The following ELOVL6 variants were observed in gnomAD, a reference collection of about 807,000 sequenced individuals.
ELOVL6 encodes the protein very long chain fatty acid elongase 6.
A neutral mutation model predicts 31.7 loss-of-function variants in ELOVL6; 8 were observed. That is an observed-to-expected ratio of 0.25 (90% CI 0.15 to 0.45). ELOVL6 has a LOEUF of 0.45. Ranked by LOEUF, ELOVL6 falls within the 20% of genes least tolerant of loss-of-function variation. ELOVL6 has a pLI of 1.00. For missense variants in ELOVL6, 126 were observed against 326.4 expected (o/e 0.39, Z 4.73); for synonymous variants, 101 against 117.7 (o/e 0.86, Z 0.92).
chr4:110,135,924 A>G (rs1048880509), intron 1 of ELOVL6, among the ~76,000 whole-genome samples: 5 of 152,212 alleles, frequency 3.3e-5, no homozygotes, highest in African/African-American at 1.2e-4. Context: ...GAACTTCCTC[A>G]GATTCATTGG....
chr4:110,094,419 ATATATATATATATATATATATAT>A (rs1560820563), intron 2 of ELOVL6, among the ~76,000 whole-genome samples: 8 of 54,858 alleles, frequency 1.5e-4, no homozygotes, highest in Admixed American at 1.0e-3. Context: ...ATATATATAT[ATATATATATATATATATATATAT>A]AATATATATA....
Position 110,051,315 on chromosome 4 carries a change from T to C in ELOVL6, c.*23A>G, listed in dbSNP as rs774692811. ...TATTTTTCTTGATGACCCTGAGCTA[T>C]GGCTTCCTCCTCAGTTCCAACACTA... On this transcript the variant is annotated 3_prime_UTR_variant, in exon 4 of 4. Coordinates refer to ENST00000302274, the MANE Select transcript of ELOVL6 (RefSeq NM_024090.3). The surrounding 1 kb of genome is among the most constrained non-coding windows in gnomAD (Gnocchi z 4.8). 1.0e-5 allele frequency: 16 copies of C among 1,607,044 alleles called. No homozygotes were observed. The highest frequency in any genetic ancestry group is 4.4e-5 in the South Asian group (4 of 90,284).
intron 1 of ELOVL6, among the ~76,000 whole-genome samples, chr4:110,176,015 C>T (rs1225707115): frequency 1.2e-4 from 18 of 147,312 alleles, no homozygotes; most frequent in African/African-American, 4.2e-4. Context: ...CTAGAGCTCT[C>T]CTCATTGGCA....
intron 1 of ELOVL6, 53 bp downstream of exon 1, chr4:110,198,194 C>G (rs956686143): frequency 2.0e-5 from 22 of 1,119,728 alleles, no homozygotes; most frequent in Non-Finnish European, 2.9e-5. Flanking sequence ...TAAGGCACTC[C>G]GGGAAGACGC....
At position 110,046,637 on chromosome 4, in the gene ELOVL6, A is replaced by G. The variant is rs1189670529; in HGVS notation, c.*4701T>C. Reference sequence around the variant, plus strand: ...GTGTATGTTCTTCAAAGCTCTGTGCATGTGCCCTGTACCGGCCTCTTTAGC... The same window carrying G: ...GTGTATGTTCTTCAAAGCTCTGTGCGTGTGCCCTGTACCGGCCTCTTTAGC... On this transcript the variant is annotated 3_prime_UTR_variant, in exon 4 of 4. Coordinates refer to ENST00000302274, the MANE Select transcript of ELOVL6 (RefSeq NM_024090.3). 5 of 152,264 alleles carry G rather than the reference A, an allele frequency of 3.3e-5. No individual in the cohort carries two copies. Among genetic ancestry groups the G allele is most frequent in the South Asian group, 2.1e-4 (1 of 4,830 alleles). 9.4% of individuals were successfully genotyped at this position (152,264 alleles called of 1,614,324 possible).
chr4:110,196,169 G>A (rs1040537858), intron 1 of ELOVL6, among the ~76,000 whole-genome samples: 2 of 152,184 alleles, frequency 1.3e-5, no homozygotes, highest in Non-Finnish European at 2.9e-5. Context: ...GGCTAGGAAT[G>A]GCGGGCGTAC....
intron 2 of ELOVL6, among the ~76,000 whole-genome samples, chr4:110,091,237 G>C (rs1461686164): frequency 1.3e-5 from 2 of 152,146 alleles, no homozygotes; most frequent in Non-Finnish European, 2.9e-5. Context: ...ACACCCCAGA[G>C]TGATTCCTTC....
At chr4:110,136,564 T>C (rs1326143087) in intron 1 of ELOVL6, among the ~76,000 whole-genome samples, 1 of 152,200 alleles carries the variant, frequency 6.6e-6, no homozygotes, top group African/African-American at 2.4e-5. Flanking sequence ...CCATTGGCTA[T>C]GAAGATTTTC....
chr4:110,070,608 A>G (rs561094146), intron 2 of ELOVL6, among the ~76,000 whole-genome samples: 1 of 152,286 alleles, frequency 6.6e-6, no homozygotes, highest in Admixed American at 6.5e-5. Context: ...CTCACGTTGA[A>G]CTGTAATCCC....
Position 110,105,586 on chromosome 4 carries a change from T to C in ELOVL6, c.132A>G (p.Ile44Met). 6.2e-7 allele frequency: 1 copy of C among 1,613,748 alleles called. No homozygotes were observed. The highest frequency in any genetic ancestry group is 8.5e-7 in the Non-Finnish European group (1 of 1,179,722). ...FLFSALYAAF[I>M]FGGRHLMNKR... ...TATTCATTAGGTGCCGACCACCGAA[T>C]ATAAAGGCAGCATACAGAGCAGAAA... Residue 44 changes from isoleucine to methionine, a missense_variant, in exon 2 of 4, where the codon ATA (isoleucine) becomes ATG (methionine). Ile to Met is a conservative substitution (Grantham distance 10). This residue lies in a region of ELOVL6 where 53 missense variants were observed against 193.4 expected (regional missense o/e 0.27). Coordinates refer to ENST00000302274, the MANE Select transcript of ELOVL6 (RefSeq NM_024090.3).
Position 110,084,205 on chromosome 4 carries a change from A to G in ELOVL6, c.221+21292T>C, listed in dbSNP as rs1465329268. Among the ~76,000 whole-genome samples the G allele has an allele frequency of 4.8e-4, 37 of 77,500 alleles. 1 individual carries two copies. Among genetic ancestry groups the G allele is most frequent in the Middle Eastern group, 0.019 (1 of 54 alleles). The allele number at this position is 77,500 out of a possible 152,430, so 50.8% of individuals were successfully genotyped here. A position where few individuals can be genotyped will look rare whatever the true frequency, so the allele number is the denominator to read the frequency against. ...ATATAACATATAACTTATATGATATATATAACATATAACTTATATGATATA... is the reference window on the plus strand; with the variant it reads ...ATATAACATATAACTTATATGATATGTATAACATATAACTTATATGATATA... On this transcript the variant is annotated intron_variant, in intron 2 of 3. Transcript: ENST00000302274.
At chr4:110,056,428 A>G (rs1413873360) in intron 3 of ELOVL6, among the ~76,000 whole-genome samples, 1 of 152,076 alleles carries the variant, frequency 6.6e-6, no homozygotes, top group Non-Finnish European at 1.5e-5. Flanking sequence ...TGTCTTGGAG[A>G]CACTTGCACT....
At chr4:110,190,233 A>C (rs1211703143) in intron 1 of ELOVL6, among the ~76,000 whole-genome samples, 3 of 152,162 alleles carry the variant, frequency 2.0e-5, no homozygotes, top group Non-Finnish European at 4.4e-5. Context: ...GGTAAGTGTA[A>C]GTCTTTTTTC....
intron 3 of ELOVL6, 56 bp downstream of exon 3, chr4:110,059,547 A>G (rs2126222143): frequency 6.5e-7 from 1 of 1,536,998 alleles, no homozygotes; most frequent in East Asian, 2.3e-5. Context: ...CACTAAATAA[A>G]TACTGTGGAT....
intron 3 of ELOVL6, among the ~76,000 whole-genome samples, chr4:110,056,124 G>GGC (rs1553953508): frequency 8.2e-5 from 11 of 134,126 alleles, no homozygotes; most frequent in South Asian, 5.2e-4. Context: ...GTGGGAGCTG[G>GGC]GGGGGGGGAT....
chr4:110,181,645 GAAAAT>G (rs1759278668), intron 1 of ELOVL6, among the ~76,000 whole-genome samples: 1 of 152,018 alleles, frequency 6.6e-6, no homozygotes, highest in African/African-American at 2.4e-5. Context: ...GGAGAGGAGA[GAAAAT>G]AAAATAAAAT....
intron 1 of ELOVL6, among the ~76,000 whole-genome samples, chr4:110,172,087 T>C (rs1008857242): frequency 6.6e-6 from 1 of 152,086 alleles, no homozygotes; most frequent in Non-Finnish European, 1.5e-5. Context: ...GAATCCCAAC[T>C]TGAAGCCACT....
At chr4:110,080,436 C>T (rs1344794916) in intron 2 of ELOVL6, among the ~76,000 whole-genome samples, 2 of 152,190 alleles carry the variant, frequency 1.3e-5, no homozygotes, top group African/African-American at 4.8e-5. Context: ...GCTGGTTCAG[C>T]ATACGCAAAT....
At chr4:110,065,920 G>GT (rs560572562) in intron 2 of ELOVL6, among the ~76,000 whole-genome samples, 5 of 152,232 alleles carry the variant, frequency 3.3e-5, no homozygotes, top group South Asian at 2.1e-4. Context: ...TTAAATGTAA[G>GT]TTTTTTTGGA....
Sources: allele counts gnomAD v4.1 joint callset (sites outside exome capture counted in the v4.1 genomes callset), GRCh38; gene constraint gnomAD v4.1.1; regional missense constraint gnomAD v4.1.1; non-coding constraint Gnocchi (gnomAD v3.1); transcripts MANE v1.5; gene names NCBI Gene and HGNC (gene_info 2026-07-23, HGNC 2026-07-21).